The following MTMR7 variants were observed in gnomAD, a reference collection of about 807,000 sequenced individuals.
MTMR7 encodes phosphatidylinositol-3-phosphate phosphatase MTMR7.
MTMR7 carries 76 observed loss-of-function variants against 81.2 expected under a neutral mutation model. That is an observed-to-expected ratio of 0.94 (90% CI 0.78 to 1.13). The LOEUF is 1.13. Ranked by LOEUF, MTMR7 falls within the 50% of genes most tolerant of loss-of-function variation. The pLI is 0.00. For synonymous variants in MTMR7, 372 were observed against 289.8 expected, an observed-to-expected ratio of 1.28 and a Z score of -2.88; for missense variants, 1,044 against 820.0, an observed-to-expected ratio of 1.27 and a Z score of -3.34.
intron 4 of MTMR7, among the ~76,000 whole-genome samples, chr8:17,356,222 C>T (rs75317129): frequency 0.022 from 3,413 of 152,234 alleles, 100 homozygotes; most frequent in East Asian, 0.071. Flanking sequence ...TTTATCAGTA[C>T]ATAGGAACCT....
chr8:17,322,676 T>G (rs1818455466), intron 7 of MTMR7, among the ~76,000 whole-genome samples: 1 of 151,712 alleles, frequency 6.6e-6, no homozygotes, highest in Admixed American at 6.6e-5. Context: ...AAATAAAAAA[T>G]TAGCTGGGTG....
chr8:17,333,008 A>C (rs189555061), intron 6 of MTMR7, among the ~76,000 whole-genome samples: 143 of 152,276 alleles, frequency 9.4e-4, no homozygotes, highest in South Asian at 5.0e-3. Context: ...TGTAATTGAA[A>C]TAATAGAAAT....
At position 17,299,856 on chromosome 8, in the gene MTMR7, G is replaced by A. The variant is rs762507906; in HGVS notation, c.*6C>T. On this transcript the variant is annotated 3_prime_UTR_variant, in exon 14 of 14. Transcript: ENST00000180173. ...GTCCTTTACTTTGGAACTCCAAAGG[G>A]AAACTTCAGGCAGTGAGAAACACGG... 6.2e-7 allele frequency: 1 copy of A among 1,613,340 alleles called. No homozygotes were observed. The highest frequency in any genetic ancestry group is 1.3e-5 in the African/African-American group (1 of 74,882).
intron 1 of MTMR7, 37 bp downstream of exon 1, chr8:17,413,232 C>T (rs1448373596): frequency 1.0e-5 from 16 of 1,547,068 alleles, no homozygotes; most frequent in African/African-American, 2.7e-5. Context: ...CCCCCATCTC[C>T]TCCCGTCCCT....
chr8:17,358,956 C>T (rs1294227506), intron 4 of MTMR7, among the ~76,000 whole-genome samples: 2 of 152,156 alleles, frequency 1.3e-5, no homozygotes, highest in South Asian at 2.1e-4. Flanking sequence ...GTGCATGGCG[C>T]GATCATGGCT....
intron 8 of MTMR7, 129 bp downstream of exon 8, chr8:17,313,163 C>G: frequency 5.0e-6 from 3 of 595,786 alleles, no homozygotes; most frequent in South Asian, 2.6e-5. Context: ...CTACGGAGCT[C>G]TACAAAGCTG....
intron 4 of MTMR7, among the ~76,000 whole-genome samples, chr8:17,355,800 A>G (rs1353182483): frequency 6.6e-6 from 1 of 152,232 alleles, no homozygotes; most frequent in African/African-American, 2.4e-5. Flanking sequence ...TAATTCACAG[A>G]AGAGTCAACA....
rs752239658 is a variant in MTMR7 at position 17,302,160 on chromosome 8, C to T, written c.1614G>A (p.Leu538=). ...TQQLEEELEA[L]EERLEKIQKV... The stretch of plus-strand genomic sequence containing the variant: ...CAAAGCAAGTATGTCTTACTTCTTC[C>T]AGGGCCTCTAGTTCTTCCTCTAGCT... The change falls in exon 13 of 14, where the codon CTG becomes CTA. Residue 538 remains leucine (L), a synonymous_variant. Coordinates refer to ENST00000180173, the MANE Select transcript of MTMR7 (RefSeq NM_004686.5). 9 of 1,614,092 alleles carry T rather than the reference C, an allele frequency of 5.6e-6. No homozygotes were observed. The highest frequency in any genetic ancestry group is 1.1e-5 in the South Asian group (1 of 91,082).
chr8:17,408,375 G>A lies in MTMR7; in HGVS notation c.24+4894C>T, dbSNP rs1256534635. 5.2e-3 allele frequency among the ~76,000 whole-genome samples: 638 copies of A among 123,790 alleles called. 41 individuals carry two copies. The highest frequency in any genetic ancestry group is 0.022 in the African/African-American group (617 of 28,198). 81.2% of individuals were successfully genotyped at this position (123,790 alleles called of 152,430 possible). On this transcript the variant is annotated intron_variant, in intron 1 of 13. Transcript: ENST00000180173. Reference sequence around the variant, plus strand: ...CTGCAGTCCACAGTCCGGCCTGGGCGACAGAGCGAGACTCCGTCTCAAAAA... The same window carrying A: ...CTGCAGTCCACAGTCCGGCCTGGGCAACAGAGCGAGACTCCGTCTCAAAAA...
rs186524729 is a variant in MTMR7 at position 17,389,480 on chromosome 8, A to C, written c.25-16240T>G. On this transcript the variant is annotated intron_variant, in intron 1 of 13. Transcript: ENST00000180173. ...GAAACAACAATGATCACACTTCAGA[A>C]CATCACAGCAACCCTCGGTGGCAGG... Among the ~76,000 whole-genome samples, 4 of 152,352 alleles carry C rather than the reference A, an allele frequency of 2.6e-5. No individual in the cohort carries two copies. The East Asian group carries it at 5.8e-4, about 22-fold the overall frequency.
intron 1 of MTMR7, among the ~76,000 whole-genome samples, chr8:17,407,826 T>C (rs1821631379): frequency 6.6e-6 from 1 of 152,162 alleles, no homozygotes; most frequent in South Asian, 2.1e-4. Flanking sequence ...AAAATTATTA[T>C]TTGCTAAAGG....
intron 1 of MTMR7, among the ~76,000 whole-genome samples, chr8:17,385,044 G>A (rs990260789): frequency 2.0e-5 from 3 of 152,184 alleles, no homozygotes; most frequent in African/African-American, 7.2e-5. Context: ...ATATCTGGGA[G>A]GCATGCAAAG....
In MTMR7 at chr8:17,298,644, C is replaced by T. The variant is rs1173587660; in HGVS notation, c.*1218G>A. Reference sequence around the variant, plus strand: ...TTGATCTAAATTGTAAAGTTTAATCCTTTTACATTCTAGAATGTACTAATA... The same window carrying T: ...TTGATCTAAATTGTAAAGTTTAATCTTTTTACATTCTAGAATGTACTAATA... On this transcript the variant is annotated 3_prime_UTR_variant, in exon 14 of 14. Coordinates refer to ENST00000180173, the MANE Select transcript of MTMR7 (RefSeq NM_004686.5). 6.6e-6 allele frequency: 1 copy of T among 152,178 alleles called. No individual in the cohort carries two copies. The highest frequency in any genetic ancestry group is 2.4e-5 in the African/African-American group (1 of 41,298). 9.4% of individuals were successfully genotyped at this position (152,178 alleles called of 1,614,324 possible). A position where few individuals can be genotyped will look rare whatever the true frequency, so the allele number is the denominator to read the frequency against.
chr8:17,361,328 A>G, intron 3 of MTMR7, 54 bp from the exon 4 acceptor site: 3 of 1,598,696 alleles, frequency 1.9e-6, no homozygotes, highest in Non-Finnish European at 2.6e-6. Context: ...ACCAGAGCCA[A>G]ATCTCCCCGA....
chr8:17,309,671 A>G (rs1817679139), intron 9 of MTMR7, among the ~76,000 whole-genome samples: 1 of 152,204 alleles, frequency 6.6e-6, no homozygotes. Context: ...ACCGAAGGAA[A>G]GAGGTTTCAT....
chr8:17,316,039 G>A (rs1332479491), intron 7 of MTMR7, among the ~76,000 whole-genome samples: 1 of 152,076 alleles, frequency 6.6e-6, no homozygotes, highest in Non-Finnish European at 1.5e-5. Context: ...TACAAATAAA[G>A]TCTCGTGTTT....
chr8:17,372,612 T>A (rs1039293756), intron 2 of MTMR7, among the ~76,000 whole-genome samples: 4 of 151,836 alleles, frequency 2.6e-5, no homozygotes, highest in South Asian at 2.1e-4. Context: ...TAATAATAAT[T>A]ATTATTATTT....
At chr8:17,323,664 C>T (rs1563332684) in intron 7 of MTMR7, among the ~76,000 whole-genome samples, 1 of 152,066 alleles carries the variant, frequency 6.6e-6, no homozygotes, top group Non-Finnish European at 1.5e-5. Flanking sequence ...GGGGTCATTC[C>T]ACACACCTCA....
intron 1 of MTMR7, among the ~76,000 whole-genome samples, chr8:17,403,515 C>T (rs1178199749): frequency 6.6e-6 from 1 of 152,074 alleles, no homozygotes; most frequent in Non-Finnish European, 1.5e-5. Flanking sequence ...TATGTGATTC[C>T]TCCAGTTTTG....
Sources: gnomAD v4.1 joint callset for allele counts (sites outside exome capture counted in the v4.1 genomes callset) on GRCh38, gnomAD v4.1.1 for gene constraint, MANE v1.5 for transcripts, NCBI Gene and HGNC (gene_info 2026-07-23, HGNC 2026-07-21) for gene names.